Variants in RYR2 observed in about 807,000 individuals in gnomAD.
The protein encoded by RYR2 is cardiac muscle ryanodine receptor-calcium release channel.
A neutral mutation model predicts 601.1 loss-of-function variants in RYR2; 227 were observed. The ratio of observed to expected loss-of-function variants is 0.38; its 90% confidence interval spans 0.34 to 0.42. The LOEUF is 0.42. Ranked by LOEUF, RYR2 falls within the 10% of genes least tolerant of loss-of-function variation. The pLI is 1.00. For synonymous variants in RYR2, 2,223 were observed against 2,175.1 expected, an observed-to-expected ratio of 1.02 and a Z score of -0.61; for missense variants, 4,646 against 6,156.5, an observed-to-expected ratio of 0.75 and a Z score of 8.21.
At chr1:237,527,195 G>A (rs1444486587) in intron 24 of RYR2, among the ~76,000 whole-genome samples, 3 of 152,090 alleles carry the variant, frequency 2.0e-5, no homozygotes, top group Admixed American at 6.6e-5. Flanking sequence ...TGCTGTTATA[G>A]TTACTATATC....
chr1:237,345,483 A>T (rs1008752184), intron 3 of RYR2, among the ~76,000 whole-genome samples: 1 of 150,672 alleles, frequency 6.6e-6, no homozygotes, highest in South Asian at 2.1e-4. Context: ...ATAAAAAATA[A>T]AAAAAAATAT....
Position 237,757,679 on chromosome 1 carries a change from C to G in RYR2, c.11246-18C>G, listed in dbSNP as rs1302510978. On this transcript the variant is annotated intron_variant, in intron 81 of 104. Transcript: ENST00000366574. ...AGGCGAAATGATATAAGGAACACTA[C>G]TTTTTTATATTTCTTAGGTGAAACT... 1 of 1,551,102 alleles carries G rather than the reference C, an allele frequency of 6.4e-7. No homozygotes were observed. Among genetic ancestry groups the G allele is most frequent in the South Asian group, 1.1e-5 (1 of 89,770 alleles).
intron 17 of RYR2, among the ~76,000 whole-genome samples, chr1:237,485,877 C>T (rs1662633571): frequency 6.6e-6 from 1 of 151,904 alleles, no homozygotes; most frequent in African/African-American, 2.4e-5. Flanking sequence ...GTCTGGGAAG[C>T]CATTAAAGAT....
At chr1:237,107,403 C>G (rs1383456827) in intron 1 of RYR2, among the ~76,000 whole-genome samples, 2 of 150,542 alleles carry the variant, frequency 1.3e-5, no homozygotes, top group East Asian at 3.9e-4. Context: ...CGCCTGTAGT[C>G]CCAGCTACTC....
At chr1:237,369,259 A>G (rs910803331) in intron 5 of RYR2, among the ~76,000 whole-genome samples, 2 of 152,206 alleles carry the variant, frequency 1.3e-5, no homozygotes, top group African/African-American at 4.8e-5. Flanking sequence ...TATTAAGTAC[A>G]TTATGAGTAA....
intron 29 of RYR2, among the ~76,000 whole-genome samples, chr1:237,574,527 G>A (rs541613630): frequency 2.9e-4 from 44 of 152,302 alleles, no homozygotes; most frequent in African/African-American, 1.1e-3. Context: ...GTCAAATAGA[G>A]ATTATACAGG....
At chr1:237,523,698 C>CT in intron 24 of RYR2, among the ~76,000 whole-genome samples, 1 of 151,426 alleles carries the variant, frequency 6.6e-6, no homozygotes, top group African/African-American at 2.4e-5. Flanking sequence ...GATTATGCCA[C>CT]TGTCCTCCTG....
chr1:237,318,906 C>T (rs1695352808), intron 2 of RYR2, among the ~76,000 whole-genome samples: 3 of 151,482 alleles, frequency 2.0e-5, no homozygotes, highest in East Asian at 1.9e-4. Flanking sequence ...TTTTTCTGAC[C>T]GCTTCTTTCT....
At chr1:237,748,167 G>A (rs894126485) in intron 80 of RYR2, among the ~76,000 whole-genome samples, 1 of 152,154 alleles carries the variant, frequency 6.6e-6, no homozygotes, top group African/African-American at 2.4e-5. Context: ...GAAACGATAT[G>A]GGGAATGAGG....
At chr1:237,429,007 TTGGAC>T (rs1706503515) in intron 12 of RYR2, among the ~76,000 whole-genome samples, 1 of 150,644 alleles carries the variant, frequency 6.6e-6, no homozygotes, top group Admixed American at 6.7e-5. Context: ...CTACCCTTAA[TTGGAC>T]ATTCATTTTG....
intron 2 of RYR2, among the ~76,000 whole-genome samples, chr1:237,317,925 T>G (rs1422967679): frequency 6.6e-6 from 1 of 152,168 alleles, no homozygotes; most frequent in Non-Finnish European, 1.5e-5. Context: ...CTCTACATTT[T>G]GATAGAATGT....
intron 101 of RYR2, among the ~76,000 whole-genome samples, chr1:237,825,521 C>T (rs147467718): frequency 2.6e-5 from 4 of 151,982 alleles, no homozygotes; most frequent in East Asian, 1.9e-4. Context: ...GACTCAAGAT[C>T]GATTAAAGAC....
At chr1:237,300,479 T>G (rs1384516848) in intron 2 of RYR2, among the ~76,000 whole-genome samples, 24 of 152,238 alleles carry the variant, frequency 1.6e-4, no homozygotes, top group Admixed American at 1.6e-3. Context: ...GGTATTTGCC[T>G]GCTTTCTTAG....
chr1:237,262,080 A>G (rs1240618811), intron 1 of RYR2, among the ~76,000 whole-genome samples: 4 of 151,990 alleles, frequency 2.6e-5, no homozygotes, highest in Admixed American at 1.3e-4. Context: ...TTTGAAAGGA[A>G]CTGTTGATGT....
At chr1:237,699,112 G>A in intron 64 of RYR2, 87 bp downstream of exon 64, 1 of 646,704 alleles carries the variant, frequency 1.5e-6, no homozygotes, top group Non-Finnish European at 2.5e-6. Context: ...CCCAGTGTCT[G>A]GATTTTATTC....
chr1:237,714,123 A>G (rs562157664), intron 71 of RYR2, among the ~76,000 whole-genome samples: 1 of 152,294 alleles, frequency 6.6e-6, no homozygotes, highest in South Asian at 2.1e-4. Flanking sequence ...CTGCCACTTC[A>G]TAATCCCTTC....
chr1:237,059,924 G>A (rs1047110121), intron 1 of RYR2, among the ~76,000 whole-genome samples: 3 of 152,134 alleles, frequency 2.0e-5, no homozygotes, highest in Admixed American at 2.0e-4. Flanking sequence ...GTAGGGTGCT[G>A]TAGACTTATA....
rs1246535118 is a variant in RYR2 at position 237,819,145 on chromosome 1, T to C, written c.14543T>C (p.Ile4848Thr). 6.2e-7 allele frequency: 1 copy of C among 1,613,828 alleles called. No homozygotes were observed. Among genetic ancestry groups the C allele is most frequent in the Non-Finnish European group, 8.5e-7 (1 of 1,179,728 alleles). The change falls in exon 101 of 105, where the codon ATC becomes ACC. Residue 4848 changes from isoleucine to threonine, a missense_variant. Ile to Thr is a moderately conservative substitution (Grantham distance 89). This residue lies in a region of RYR2 where 55 missense variants were observed against 204.7 expected (regional missense o/e 0.27). Coordinates refer to ENST00000366574, the MANE Select transcript of RYR2 (RefSeq NM_001035.3). This position sits in a 1 kb window ranked among gnomAD's most constrained non-coding sequence, Gnocchi z 4.0. Reference protein sequence around the residue: ...EYEIYRIIFDITFFFFVIVIL... With the variant: ...EYEIYRIIFDTTFFFFVIVIL... Reference sequence around the variant, plus strand: ...GAGATCTATCGAATCATCTTTGACATCACTTTCTTCTTCTTTGTTATTGTC... The same window carrying C: ...GAGATCTATCGAATCATCTTTGACACCACTTTCTTCTTCTTTGTTATTGTC...
chr1:237,787,545 T>C (rs1483371381), intron 91 of RYR2, among the ~76,000 whole-genome samples: 1 of 138,424 alleles, frequency 7.2e-6, no homozygotes, highest in Non-Finnish European at 1.5e-5. Flanking sequence ...TGAGCTGAGA[T>C]GGCGCCCCTG....
Sources: allele counts gnomAD v4.1 joint callset (sites outside exome capture counted in the v4.1 genomes callset), GRCh38; gene constraint gnomAD v4.1.1; regional missense constraint gnomAD v4.1.1; non-coding constraint Gnocchi (gnomAD v3.1); transcripts MANE v1.5; gene names NCBI Gene and HGNC (gene_info 2026-07-23, HGNC 2026-07-21).